PASK: variants seen among roughly 807,000 people sequenced by gnomAD.
PASK encodes PAS domain-containing serine/threonine-protein kinase.
A neutral mutation model predicts 121.0 loss-of-function variants in PASK; 110 were observed. That is an observed-to-expected ratio of 0.91 (90% CI 0.78 to 1.06). The LOEUF (loss-of-function observed/expected upper bound fraction) is 1.06. Among genes scored for constraint, PASK ranks in the 50% least tolerant of loss-of-function variants. PASK has a pLI of 0.00. For missense variants in PASK, 1,643 were observed against 1,702.3 expected (o/e 0.97, Z 0.61); for synonymous variants, 686 against 717.8 (o/e 0.96, Z 0.71).
chr2:241,139,308 C>T (rs1395512599), intron 4 of PASK, among the ~76,000 whole-genome samples: 4 of 152,178 alleles, frequency 2.6e-5, no homozygotes, highest in Non-Finnish European at 5.9e-5. Flanking sequence ...CAACGCTACT[C>T]CCCCAGTCCC....
chr2:241,106,310 C>A lies in PASK; in HGVS notation c.*256G>T, dbSNP rs2125396646. On this transcript the variant is annotated 3_prime_UTR_variant, in exon 18 of 18. Coordinates refer to ENST00000234040, the MANE Select transcript of PASK (RefSeq NM_015148.4). The stretch of plus-strand genomic sequence containing the variant: ...CCTTCAGAAGTTCACAAATTAAAAG[C>A]CCTTTAATAATATAAAACAGTTGAA... The A allele has an allele frequency of 1.9e-6, 1 of 529,148 alleles. No homozygotes were observed. The highest frequency in any genetic ancestry group is 2.2e-5 in the South Asian group (1 of 46,104). 32.8% of individuals were successfully genotyped at this position (529,148 alleles called of 1,614,324 possible).
chr2:241,121,924 T>G (rs934912188), intron 12 of PASK, among the ~76,000 whole-genome samples: 1 of 152,174 alleles, frequency 6.6e-6, no homozygotes, highest in African/African-American at 2.4e-5. Flanking sequence ...CATCAACAAA[T>G]TTAAAGAAAC....
intron 12 of PASK, chr2:241,118,837 C>A: frequency 1.4e-6 from 1 of 719,332 alleles, no homozygotes; most frequent in Non-Finnish European, 1.8e-6. Flanking sequence ...GGTGTACACA[C>A]CCCGCACCCG....
chr2:241,126,484 G>A lies in PASK; in HGVS notation c.2431C>T (p.Arg811Ter), dbSNP rs776234374. ...TGTCVDLGQG[R>*]RFRESCVGHD... ...CCCACACAGCTCTCCCGGAACCGTC[G>A]GCCTTGGCCAAGGTCAACACAGGTG... Residue 811 changes from arginine (R) to a stop codon, truncating the protein, a stop_gained, in exon 10 of 18, where the codon CGA (arginine) becomes TGA (stop). Coordinates refer to ENST00000234040, the MANE Select transcript of PASK (RefSeq NM_015148.4). LOFTEE classifies it high-confidence loss of function. The A allele has an allele frequency of 3.7e-5, 60 of 1,614,092 alleles. No individual in the cohort carries two copies. Among genetic ancestry groups the A allele is most frequent in the Middle Eastern group, 1.6e-4 (1 of 6,084 alleles).
intron 12 of PASK, among the ~76,000 whole-genome samples, chr2:241,120,460 T>C (rs1419837078): frequency 6.9e-6 from 1 of 144,394 alleles, no homozygotes; most frequent in Non-Finnish European, 1.5e-5. Context: ...GCCACTGCAC[T>C]CCAGCCTGGG....
intron 2 of PASK, among the ~76,000 whole-genome samples, chr2:241,141,909 C>T (rs1370489467): frequency 6.6e-6 from 1 of 152,174 alleles, no homozygotes; most frequent in Non-Finnish European, 1.5e-5. Flanking sequence ...AAGCGCAGCT[C>T]CTTCTCATGT....
intron 2 of PASK, among the ~76,000 whole-genome samples, chr2:241,141,440 T>C (rs2066694319): frequency 6.6e-6 from 1 of 152,228 alleles, no homozygotes; most frequent in South Asian, 2.1e-4. Context: ...TGTGCAGCGT[T>C]CTCTCAGCAA....
At chr2:241,136,890 G>C in intron 7 of PASK, 114 bp downstream of exon 7, 1 of 971,670 alleles carries the variant, frequency 1.0e-6, no homozygotes, top group Non-Finnish European at 1.6e-6. Context: ...CTGGGTAAAG[G>C]AGCGAGCTGG....
At chr2:241,123,904 C>G in intron 11 of PASK, 45 bp downstream of exon 11, 1 of 1,504,640 alleles carries the variant, frequency 6.6e-7, no homozygotes, top group Non-Finnish European at 9.2e-7. Flanking sequence ...ATTTGCCACA[C>G]AGTACAAGGC....
intron 5 of PASK, 77 bp downstream of exon 5, chr2:241,138,577 G>C: frequency 6.6e-7 from 1 of 1,514,382 alleles, no homozygotes; most frequent in Non-Finnish European, 9.1e-7. Context: ...GAATGAGACA[G>C]GGACCAGCAC....
chr2:241,129,114 T>C (rs1349242975), intron 9 of PASK, among the ~76,000 whole-genome samples: 1 of 151,976 alleles, frequency 6.6e-6, no homozygotes, highest in African/African-American at 2.4e-5. Flanking sequence ...CCCATGCAAA[T>C]GCTAGGAAAC....
intron 9 of PASK, among the ~76,000 whole-genome samples, chr2:241,129,540 G>A (rs114555648): frequency 2.0e-5 from 3 of 152,176 alleles, no homozygotes; most frequent in African/African-American, 4.8e-5. Flanking sequence ...ACGTGCTTAG[G>A]GCCAATTTGA....
chr2:241,135,820 G>C, intron 8 of PASK, 51 bp downstream of exon 8: 2 of 1,551,330 alleles, frequency 1.3e-6, no homozygotes, highest in Non-Finnish European at 1.8e-6. Context: ...GCATGGGGCT[G>C]TCTGGGGCTC....
chr2:241,140,165 G>A, intron 3 of PASK, 110 bp from the exon 4 acceptor site: 1 of 870,336 alleles, frequency 1.1e-6, no homozygotes, highest in South Asian at 1.4e-5. Flanking sequence ...CTGACAGACA[G>A]GGTCTCACTC....
rs191284031 is a variant in PASK, at chr2:241,108,749, A to T, written c.3534-449T>A. 1.2e-4 allele frequency: 35 copies of T among 300,572 alleles called. No individual in the cohort carries two copies. In the East Asian group the frequency reaches 2.4e-3, roughly 21 times the overall value. 18.6% of individuals were successfully genotyped at this position (300,572 alleles called of 1,614,324 possible). On this transcript the variant is annotated intron_variant, in intron 15 of 17. Transcript: ENST00000234040. This position sits in a 1 kb window ranked among gnomAD's most constrained non-coding sequence, Gnocchi z 5.2. ...GAACGGGCTTGGTGTGACCATGGAC[A>T]CACATGCCCTTTAGGAAGATGGCTG...
intron 9 of PASK, among the ~76,000 whole-genome samples, chr2:241,132,159 A>G (rs917891939): frequency 4.6e-5 from 7 of 152,096 alleles, no homozygotes; most frequent in African/African-American, 1.7e-4. Flanking sequence ...TTTTATTTCT[A>G]CTTTTCCAAA....
At chr2:241,150,178 C>G (rs1269488726), upstream of PASK, 4 of 1,279,682 alleles carry the variant, frequency 3.1e-6, no homozygotes, top group South Asian at 2.3e-5. Flanking sequence ...CGTCTCTCCA[C>G]TCTGCCTAGA....
chr2:241,121,386 A>G (rs12622511), intron 12 of PASK, among the ~76,000 whole-genome samples: 44,685 of 152,134 alleles, frequency 0.29, 9,163 homozygotes, highest in East Asian at 0.56. Flanking sequence ...AATATTAAAA[A>G]CTAACAAGAA....
chr2:241,134,438 CAA>C (rs1257229895), intron 8 of PASK: 1 of 152,206 alleles, frequency 6.6e-6, no homozygotes. Context: ...TCTTTTAAAA[CAA>C]ATGTTACAAT....
Sources: gnomAD v4.1 joint callset for allele counts (sites outside exome capture counted in the v4.1 genomes callset) on GRCh38, gnomAD v4.1.1 for gene constraint, Gnocchi (gnomAD v3.1) non-coding constraint, MANE v1.5 for transcripts, NCBI Gene and HGNC (gene_info 2026-07-23, HGNC 2026-07-21) for gene names.